Variants in CACNB1 observed in about 807,000 individuals in gnomAD.
CACNB1 encodes voltage-dependent L-type calcium channel subunit beta-1.
A neutral mutation model predicts 71.6 loss-of-function variants in CACNB1; 29 were observed. That is an observed-to-expected ratio of 0.40 (90% confidence interval 0.30 to 0.55). The LOEUF is 0.55. CACNB1 is among the 20% of genes least tolerant of loss of function. CACNB1 has a pLI of 0.38. For missense variants in CACNB1, 623 were observed against 801.8 expected (o/e 0.78, Z 2.69); for synonymous variants, 300 against 319.6 (o/e 0.94, Z 0.65).
intron 11 of CACNB1, among the ~76,000 whole-genome samples, chr17:39,182,080 G>A (rs1305344351): frequency 6.6e-6 from 1 of 151,742 alleles, no homozygotes; most frequent in African/African-American, 2.4e-5. Context: ...GGAATCACTG[G>A]AACCCAGGAG....
At position 39,197,537 on chromosome 17, in the gene CACNB1, G is replaced by T; in HGVS notation, c.-42C>A. On this transcript the variant is annotated 5_prime_UTR_variant, in exon 1 of 14. Coordinates refer to ENST00000394303, the MANE Select transcript of CACNB1 (RefSeq NM_000723.5). ...TCCCGCCGCCGGCCCGGCCCAGCCG[G>T]GCTCCCTCAGCGCATGGGAGAGGCC... is the stretch of plus-strand genomic sequence containing the variant. 1 of 1,438,746 alleles carries T rather than the reference G, an allele frequency of 7.0e-7. No individual in the cohort carries two copies. Among genetic ancestry groups the T allele is most frequent in the East Asian group, 3.0e-5 (1 of 33,680 alleles). 89.1% of individuals were successfully genotyped at this position (1,438,746 alleles called of 1,614,324 possible). A position where few individuals can be genotyped will look rare whatever the true frequency, so the allele number is the denominator to read the frequency against.
In CACNB1 at chr17:39,194,177, T is replaced by C. The variant is rs1234957498; in HGVS notation, c.171+707A>G. Among the ~76,000 whole-genome samples, 1 of 152,112 alleles carries C rather than the reference T, an allele frequency of 6.6e-6. No individual in the cohort carries two copies. The highest frequency in any genetic ancestry group is 1.9e-4 in the East Asian group (1 of 5,176). On this transcript the variant is annotated intron_variant, in intron 2 of 13. Coordinates refer to ENST00000394303, the MANE Select transcript of CACNB1 (RefSeq NM_000723.5). The surrounding 1 kb of genome is among the most constrained non-coding windows in gnomAD (Gnocchi z 4.6). ...GCTTTGGTGAGATGCTAAGTAGTCA[T>C]AGCAACCACATGCCTCTCTCAGTCC...
chr17:39,187,347 G>T, intron 4 of CACNB1, 132 bp downstream of exon 4: 1 of 989,644 alleles, frequency 1.0e-6, no homozygotes, highest in South Asian at 1.5e-5. Flanking sequence ...GCTCAGAGAG[G>T]TGGAGAGATT....
At chr17:39,191,409 C>A (rs1597714243) in intron 3 of CACNB1, 65 bp downstream of exon 3, 1 of 1,495,542 alleles carries the variant, frequency 6.7e-7, no homozygotes, top group Non-Finnish European at 8.9e-7. Flanking sequence ...TCTGTCTGGG[C>A]TCTCTCTACA....
At position 39,191,564 on chromosome 17, in the gene CACNB1, T is replaced by C. The variant is rs376315334; in HGVS notation, c.201A>G (p.Pro67=). ...QGSAESYTSR[P]SDSDVSLEED... Reference sequence around the variant, plus strand: ...CCTCCAGAGATACATCAGAGTCTGATGGACGGCTGGTGTAGGACTCCGCTG... The same window carrying C: ...CCTCCAGAGATACATCAGAGTCTGACGGACGGCTGGTGTAGGACTCCGCTG... Residue 67 remains proline (P), a synonymous_variant, in exon 3 of 14, where the codon CCA becomes CCG. Coordinates refer to ENST00000394303, the MANE Select transcript of CACNB1 (RefSeq NM_000723.5). 2.2e-5 allele frequency: 35 copies of C among 1,610,852 alleles called. 1 individual carries two copies. The highest frequency in any genetic ancestry group is 2.1e-4 in the South Asian group (19 of 90,610).
At position 39,197,599 on chromosome 17, in the gene CACNB1, G is replaced by A. The variant is rs536940692; in HGVS notation, c.-104C>T. 8 of 841,956 alleles carry A rather than the reference G, an allele frequency of 9.5e-6. No individual in the cohort carries two copies. Among genetic ancestry groups the A allele is most frequent in the Non-Finnish European group, 1.3e-5 (7 of 558,232 alleles). The allele number at this position is 841,956 out of a possible 1,614,324, so 52.2% of individuals were successfully genotyped here. A position where few individuals can be genotyped will look rare whatever the true frequency, so the allele number is the denominator to read the frequency against. ...AAGCAGCGCGGCGCAGCCAGCACCC[G>A]GTCCAGCCACCCAGCTCGGCCTTCG... is the stretch of plus-strand genomic sequence containing the variant. On this transcript the variant is annotated 5_prime_UTR_variant, in exon 1 of 14. Coordinates refer to ENST00000394303, the MANE Select transcript of CACNB1 (RefSeq NM_000723.5).
chr17:39,187,881 T>G lies in CACNB1; in HGVS notation c.292-280A>C, dbSNP rs566869174. ...ATACAAAATTAGCCAGGCGTGGTGGTGGGTGCCTATAATCCCAGCTACTCA... is the reference window on the plus strand; with the variant it reads ...ATACAAAATTAGCCAGGCGTGGTGGGGGGTGCCTATAATCCCAGCTACTCA... On this transcript the variant is annotated intron_variant, in intron 3 of 13. Coordinates refer to ENST00000394303, the MANE Select transcript of CACNB1 (RefSeq NM_000723.5). 1.3e-4 allele frequency among the ~76,000 whole-genome samples: 20 copies of G among 151,908 alleles called. No homozygotes were observed. In the East Asian group the frequency reaches 3.9e-3, roughly 30 times the overall value.
At chr17:39,191,060 C>T (rs1003215085) in intron 3 of CACNB1, among the ~76,000 whole-genome samples, 16 of 151,828 alleles carry the variant, frequency 1.1e-4, no homozygotes, top group South Asian at 2.1e-4. Flanking sequence ...AAAAATTAGC[C>T]GGGCGTGGCA....
At chr17:39,181,586 G>A (rs921934744) in intron 11 of CACNB1, among the ~76,000 whole-genome samples, 6 of 152,198 alleles carry the variant, frequency 3.9e-5, no homozygotes, top group African/African-American at 1.2e-4. Flanking sequence ...CTTAACCTCA[G>A]TGGGGGAAAT....
intron 11 of CACNB1, among the ~76,000 whole-genome samples, chr17:39,180,759 A>G (rs1312779167): frequency 2.6e-5 from 4 of 152,002 alleles, no homozygotes; most frequent in Non-Finnish European, 5.9e-5. Flanking sequence ...TTATTTTTTA[A>G]TAGAGACAGG....
chr17:39,182,120 A>G (rs190584783), intron 11 of CACNB1, among the ~76,000 whole-genome samples: 1 of 151,682 alleles, frequency 6.6e-6, no homozygotes, highest in East Asian at 2.0e-4. Context: ...AGATCGCACC[A>G]CTACACTCCA....
At chr17:39,191,968 ACT>A in intron 2 of CACNB1, 1 of 269,934 alleles carries the variant, frequency 3.7e-6, no homozygotes, top group South Asian at 3.9e-5. Context: ...GCTGAGATAG[ACT>A]CAGCTGAGGT....
intron 12 of CACNB1, 36 bp from the exon 13 acceptor site, chr17:39,177,571 A>C: frequency 1.3e-6 from 2 of 1,538,612 alleles, no homozygotes; most frequent in Non-Finnish European, 1.8e-6. Context: ...GGCTGGGATG[A>C]GTGGGGCATG....
rs1172086169 is a variant in CACNB1, at chr17:39,173,512, T to C, written c.*1681A>G. Reference sequence around the variant, plus strand: ...ACCAGTGGGTCTGGATCTCACCCACTGAGCAACATTGAGCTTCCCATTGCC... The same window carrying C: ...ACCAGTGGGTCTGGATCTCACCCACCGAGCAACATTGAGCTTCCCATTGCC... On this transcript the variant is annotated 3_prime_UTR_variant, in exon 14 of 14. Transcript: ENST00000394303. The C allele has an allele frequency of 6.6e-6, 1 of 152,378 alleles. No individual in the cohort carries two copies. Among genetic ancestry groups the C allele is most frequent in the Non-Finnish European group, 1.5e-5 (1 of 68,060 alleles). The allele number at this position is 152,378 out of a possible 1,614,324, so 9.4% of individuals were successfully genotyped here. A position where few individuals can be genotyped will look rare whatever the true frequency, so the allele number is the denominator to read the frequency against.
At position 39,175,653 on chromosome 17, in the gene CACNB1, G is replaced by A. The variant is rs767442726; in HGVS notation, c.1337C>T (p.Pro446Leu). ...TGGCTGGTCCCCGGAAGCAAGGTAG[G>A]GTCCCTGGTTAGCAGACGGACAGCA... ...SPAPVSNLQG[P>L]YLASGDQPLE... The change falls in exon 14 of 14, where the codon CCC becomes CTC. Residue 446 changes from proline (P) to leucine (L), a missense_variant. Coordinates refer to ENST00000394303, the MANE Select transcript of CACNB1 (RefSeq NM_000723.5). The surrounding 1 kb of genome is among the most constrained non-coding windows in gnomAD (Gnocchi z 4.7). The A allele has an allele frequency of 1.0e-5, 16 of 1,559,492 alleles. No individual in the cohort carries two copies. The highest frequency in any genetic ancestry group is 1.7e-4 in the Middle Eastern group (1 of 5,784).
chr17:39,181,495 C>G (rs113954337), intron 11 of CACNB1, among the ~76,000 whole-genome samples: 1 of 152,120 alleles, frequency 6.6e-6, no homozygotes, highest in Non-Finnish European at 1.5e-5. Context: ...GATGTTTGGC[C>G]GCTTGCCAAA....
chr17:39,181,934 C>T (rs565831320), intron 11 of CACNB1, among the ~76,000 whole-genome samples: 148 of 151,690 alleles, frequency 9.8e-4, no homozygotes, highest in African/African-American at 3.1e-3. Context: ...AGGCCGAGGC[C>T]GGTGGATCAC....
Position 39,177,544 on chromosome 17 carries a change from G to A in CACNB1, c.1147-9C>T. 3 of 1,574,854 alleles carry A rather than the reference G, an allele frequency of 1.9e-6. No homozygotes were observed. Among genetic ancestry groups the A allele is most frequent in the South Asian group, 1.2e-5 (1 of 84,702 alleles). On this transcript the variant is annotated splice_polypyrimidine_tract_variant and intron_variant, in intron 12 of 13. Coordinates refer to ENST00000394303, the MANE Select transcript of CACNB1 (RefSeq NM_000723.5). ...ATGATGTCAAACATTTCCTGTGAAG[G>A]CGGGGTTAGGGGGCAGGGCTGGGAT...
Position 39,175,797 on chromosome 17 carries a change from G to C in CACNB1, c.1333-140C>G. 1.5e-6 allele frequency: 1 copy of C among 678,504 alleles called. No individual in the cohort carries two copies. The highest frequency in any genetic ancestry group is 2.4e-6 in the Non-Finnish European group (1 of 412,254). The allele number at this position is 678,504 out of a possible 1,614,324, so 42.0% of individuals were successfully genotyped here. ...GCTGGCTCTAGAGGAGGGGCCCCGG[G>C]GACAAACGGCTCTGGAGCCCAGCCA... is the stretch of plus-strand genomic sequence containing the variant. On this transcript the variant is annotated intron_variant, in intron 13 of 13. Transcript: ENST00000394303. This position sits in a 1 kb window ranked among gnomAD's most constrained non-coding sequence, Gnocchi z 4.7.
Sources: allele counts gnomAD v4.1 joint callset (sites outside exome capture counted in the v4.1 genomes callset), GRCh38; gene constraint gnomAD v4.1.1; non-coding constraint Gnocchi (gnomAD v3.1); transcripts MANE v1.5; gene names NCBI Gene and HGNC (gene_info 2026-07-23, HGNC 2026-07-21).